CCDC28B: variants seen among roughly 807,000 people sequenced by gnomAD.
CCDC28B encodes coiled-coil domain containing 28B, also known as coiled-coil domain-containing protein 28B.
A neutral mutation model predicts 18.7 loss-of-function variants in CCDC28B; 17 were observed. The ratio of observed to expected loss-of-function variants is 0.91; its 90% CI spans 0.62 to 1.36. CCDC28B has a LOEUF of 1.36. Ranked by LOEUF, CCDC28B falls within the 40% of genes most tolerant of loss-of-function variation. CCDC28B has a pLI of 0.00. For synonymous variants in CCDC28B, 116 were observed against 105.1 expected (o/e 1.10, Z -0.64); for missense variants, 213 against 251.7 (o/e 0.85, Z 1.04).
At chr1:32,203,807 G>A in intron 2 of CCDC28B, 72 bp from the exon 3 acceptor site, 2 of 1,258,622 alleles carry the variant, frequency 1.6e-6, no homozygotes, top group South Asian at 1.7e-5. Flanking sequence ...TGCATAGGCA[G>A]ATGGCACAAA....
chr1:32,202,018 C>T lies in CCDC28B; in HGVS notation c.83C>T (p.Pro28Leu), dbSNP rs764354983. 5 of 1,613,546 alleles carry T rather than the reference C, an allele frequency of 3.1e-6. No individual in the cohort carries two copies. The highest frequency in any genetic ancestry group is 4.2e-6 in the Non-Finnish European group (5 of 1,179,994). The change falls in exon 2 of 6, where the codon CCT (proline) becomes CTT (leucine). Residue 28 changes from proline (P) to leucine (L), a missense_variant. Pro to Leu is a moderately conservative substitution (Grantham distance 98). Transcript: ENST00000373602. ...AQAPGTLRRV[P>L]VPTSHSGSLA... Reference sequence around the variant, plus strand: ...GCCCCAGGCACACTACGGAGGGTCCCTGTGCCTACCAGCCACAGCGGCTCC... The same window carrying T: ...GCCCCAGGCACACTACGGAGGGTCCTTGTGCCTACCAGCCACAGCGGCTCC...
chr1:32,205,015 T>C lies in CCDC28B; in HGVS notation c.549-179T>C. On this transcript the variant is annotated intron_variant, in intron 5 of 5. Coordinates refer to ENST00000373602, the MANE Select transcript of CCDC28B (RefSeq NM_024296.5). The surrounding 1 kb of genome is among the most constrained non-coding windows in gnomAD (Gnocchi z 5.6). ...CCCAGTGTGTCTGACCTGCACGATC[T>C]GGATGAAGAGAGAGGGGGTGAGAGA... 8.5e-7 allele frequency: 1 copy of C among 1,180,962 alleles called. No individual in the cohort carries two copies. 73.2% of individuals were successfully genotyped at this position (1,180,962 alleles called of 1,614,324 possible). A position where few individuals can be genotyped will look rare whatever the true frequency, so the allele number is the denominator to read the frequency against.
intron 1 of CCDC28B, 198 bp from the exon 2 acceptor site, chr1:32,201,715 G>C (rs1424491555): frequency 2.3e-6 from 1 of 441,732 alleles, no homozygotes; most frequent in East Asian, 3.6e-5. Context: ...GGGGAATTAG[G>C]TTGGGCCTTA....
rs1384553744 is a variant in CCDC28B, at chr1:32,202,076, C to T, written c.141C>T (p.Pro47=). Residue 47 remains proline, a synonymous_variant, in exon 2 of 6, where the codon CCC becomes CCT. Coordinates refer to ENST00000373602, the MANE Select transcript of CCDC28B (RefSeq NM_024296.5). The part of the protein sequence containing the change: ...LALGLPHLPS[P]KQRAKFKRVG... The stretch of plus-strand genomic sequence containing the variant: ...TAGGACTTCCTCATCTGCCATCCCC[C>T]AAGCAGCGGGCCAAGTTCAAGAGGT... The T allele has an allele frequency of 6.2e-7, 1 of 1,613,054 alleles. No homozygotes were observed. The highest frequency in any genetic ancestry group is 1.7e-5 in the Admixed American group (1 of 59,904).
Position 32,205,006 on chromosome 1 carries a change from T to C in CCDC28B, c.549-188T>C. The C allele has an allele frequency of 2.5e-6, 3 of 1,183,958 alleles. No homozygotes were observed. The highest frequency in any genetic ancestry group is 3.5e-6 in the Non-Finnish European group (3 of 854,090). 73.3% of individuals were successfully genotyped at this position (1,183,958 alleles called of 1,614,324 possible). A position where few individuals can be genotyped will look rare whatever the true frequency, so the allele number is the denominator to read the frequency against. On this transcript the variant is annotated intron_variant, in intron 5 of 5. Coordinates refer to ENST00000373602, the MANE Select transcript of CCDC28B (RefSeq NM_024296.5). This position sits in a 1 kb window ranked among gnomAD's most constrained non-coding sequence, Gnocchi z 5.6. ...CGCACACACCCCAGTGTGTCTGACC[T>C]GCACGATCTGGATGAAGAGAGAGGG...
rs1024191862 is a variant in CCDC28B, at chr1:32,205,351, G to A, written c.*103G>A. 5.0e-6 allele frequency: 6 copies of A among 1,206,730 alleles called. No individual in the cohort carries two copies. In the East Asian group the frequency reaches 1.3e-4, roughly 26 times the overall value. 74.8% of individuals were successfully genotyped at this position (1,206,730 alleles called of 1,614,324 possible). Reference sequence around the variant, plus strand: ...CGGCCCCCCAGGTGCTATGGGGGAGGGGGGCGTTGAATGGAATTAAACCAG... The same window carrying A: ...CGGCCCCCCAGGTGCTATGGGGGAGAGGGGCGTTGAATGGAATTAAACCAG... On this transcript the variant is annotated 3_prime_UTR_variant, in exon 6 of 6. Transcript: ENST00000373602. This position sits in a 1 kb window ranked among gnomAD's most constrained non-coding sequence, Gnocchi z 5.6.
intron 4 of CCDC28B, 82 bp downstream of exon 4, chr1:32,204,461 C>G: frequency 6.6e-7 from 1 of 1,515,512 alleles, no homozygotes; most frequent in Non-Finnish European, 8.8e-7. Flanking sequence ...TTCCTGGGCC[C>G]TGGGTGAAAA....
chr1:32,203,595 A>C (rs1643209276), intron 2 of CCDC28B, among the ~76,000 whole-genome samples: 1 of 152,208 alleles, frequency 6.6e-6, no homozygotes, highest in Non-Finnish European at 1.5e-5. Flanking sequence ...GTCATAAAAC[A>C]AATGAGTGAG....
chr1:32,204,447 G>T, intron 4 of CCDC28B, 68 bp downstream of exon 4: 1 of 1,521,360 alleles, frequency 6.6e-7, no homozygotes, highest in East Asian at 2.3e-5. Flanking sequence ...TACTCCCAAA[G>T]CCATTCCTGG....
upstream of CCDC28B, among the ~76,000 whole-genome samples, chr1:32,198,455 G>A (rs533645053): frequency 3.9e-4 from 60 of 152,298 alleles, no homozygotes; most frequent in Non-Finnish European, 4.1e-4. Flanking sequence ...CAGGATGCTG[G>A]CATATTCACT....
chr1:32,199,534 A>G (rs1204294579), upstream of CCDC28B, among the ~76,000 whole-genome samples: 1 of 152,050 alleles, frequency 6.6e-6, no homozygotes, highest in Non-Finnish European at 1.5e-5. Flanking sequence ...GGGGAAGGAG[A>G]GGGATTTCTG....
At position 32,203,911 on chromosome 1, in the gene CCDC28B, C is replaced by A. The variant is rs746285494; in HGVS notation, c.197C>A (p.Ala66Asp). The A allele has an allele frequency of 1.3e-6, 2 of 1,533,440 alleles. No homozygotes were observed. The highest frequency in any genetic ancestry group is 4.6e-5 in the East Asian group (2 of 43,538). The allele number at this position is 1,533,440 out of a possible 1,614,324, so 95.0% of individuals were successfully genotyped here. ...AAAGAGAAGTGCCGCCCAGTCCTGG[C>A]TGGAGGTGGAAGCGGCTCTGCAGGC... ...VGKEKCRPVL[A>D]GGGSGSAGTP... The change falls in exon 3 of 6, where the codon GCT (alanine) becomes GAT (aspartate). Residue 66 changes from alanine to aspartate, a missense_variant. Transcript: ENST00000373602.
At chr1:32,201,613 C>G (rs1643148786) in intron 1 of CCDC28B, 1 of 237,334 alleles carries the variant, frequency 4.2e-6, no homozygotes, top group Non-Finnish European at 8.1e-6. Context: ...CCAGCCCCGC[C>G]CCCCAGCCAC....
In CCDC28B at chr1:32,202,231, A is replaced by AG. The variant is rs1306194453; in HGVS notation, c.164+132_164+133insG. ...GCCTTTCTGGAGCAGACCCCTGAGA[A>AG]CTCAGAGCTCACTCAGACCCAGTCC... On this transcript the variant is annotated intron_variant, in intron 2 of 5. Transcript: ENST00000373602. The AG allele has an allele frequency of 2.5e-6, 3 of 1,191,242 alleles. No homozygotes were observed. In the Admixed American group the frequency reaches 5.9e-5, roughly 23 times the overall value. The allele number at this position is 1,191,242 out of a possible 1,614,324, so 73.8% of individuals were successfully genotyped here. A position where few individuals can be genotyped will look rare whatever the true frequency, so the allele number is the denominator to read the frequency against.
chr1:32,197,829 GTTGT>G (rs1643057514), upstream of CCDC28B: 1 of 151,718 alleles, frequency 6.6e-6, no homozygotes, highest in African/African-American at 2.4e-5. The surrounding 1 kb of genome is among the most constrained non-coding windows in gnomAD (Gnocchi z 4.6). Context: ...TTTTTTATTT[GTTGT>G]TTGTTTTCCA....
chr1:32,204,815 G>A (rs1643267362), intron 5 of CCDC28B, 195 bp downstream of exon 5: 14 of 1,575,948 alleles, frequency 8.9e-6, no homozygotes, highest in Non-Finnish European at 1.2e-5. Flanking sequence ...AGTGGTTGTA[G>A]GGGATGTTTT....
chr1:32,198,610 G>C (rs577987529), upstream of CCDC28B, among the ~76,000 whole-genome samples: 2 of 152,330 alleles, frequency 1.3e-5, no homozygotes, highest in South Asian at 4.1e-4. Flanking sequence ...ACAGGTCAAT[G>C]GTGCTGAGAG....
At chr1:32,196,701 C>G (rs1360272935), upstream of CCDC28B, 1 of 152,214 alleles carries the variant, frequency 6.6e-6, no homozygotes, top group Non-Finnish European at 1.5e-5. Flanking sequence ...ATGGTTAGGG[C>G]TTTGCTTCTT....
intron 2 of CCDC28B, 63 bp from the exon 3 acceptor site, chr1:32,203,816 A>G: frequency 2.9e-6 from 4 of 1,358,976 alleles, no homozygotes; most frequent in Non-Finnish European, 3.9e-6. Context: ...AGATGGCACA[A>G]AAGATCGGGA....
Sources: gnomAD v4.1 joint callset for allele counts (sites outside exome capture counted in the v4.1 genomes callset) on GRCh38, gnomAD v4.1.1 for gene constraint, Gnocchi (gnomAD v3.1) non-coding constraint, MANE v1.5 for transcripts, NCBI Gene and HGNC (gene_info 2026-07-23, HGNC 2026-07-21) for gene names.